DNAJC13: variants seen among roughly 807,000 people sequenced by gnomAD.
DNAJC13 encodes dnaJ homolog subfamily C member 13.
A neutral mutation model predicts 290.5 loss-of-function variants in DNAJC13; 75 were observed. The ratio of observed to expected loss-of-function variants is 0.26; its 90% CI spans 0.21 to 0.31. DNAJC13 has a LOEUF of 0.31. DNAJC13 is among the 10% of genes least tolerant of loss of function. DNAJC13 has a pLI of 1.00. For missense variants in DNAJC13, 2,260 were observed against 2,674.5 expected (o/e 0.85, Z 3.42); for synonymous variants, 862 against 892.0 (o/e 0.97, Z 0.60).
chr3:132,461,281 A>T, intron 15 of DNAJC13, 76 bp downstream of exon 15: 1 of 1,501,726 alleles, frequency 6.7e-7, no homozygotes, highest in Non-Finnish European at 9.2e-7. Flanking sequence ...TTTCTAAGAT[A>T]ACATTTGCAT....
At position 132,466,047 on chromosome 3, in the gene DNAJC13, A is replaced by G. The variant is rs747167172; in HGVS notation, c.1945A>G (p.Thr649Ala). ...CTGGACAGCTGATAATGCAACTGCA[A>G]CAAACTTGTTGAAACGCATTTTGGT... ...GLWTADNATA[T>A]NLLKRILPPG... The change falls in exon 18 of 56, where the codon ACA (threonine) becomes GCA (alanine). Residue 649 changes from threonine (T) to alanine (A), a missense_variant. By Grantham distance (58) the Thr-to-Ala change is moderately conservative. Around this residue, in one of 3 missense-constraint regions of DNAJC13, gnomAD observed 762 missense variants for 964.1 expected, o/e 0.79. Transcript: ENST00000260818. 1 of 1,614,058 alleles carries G rather than the reference A, an allele frequency of 6.2e-7. No homozygotes were observed. The highest frequency in any genetic ancestry group is 8.5e-7 in the Non-Finnish European group (1 of 1,179,906).
intron 1 of DNAJC13, among the ~76,000 whole-genome samples, chr3:132,424,084 A>C (rs765845925): frequency 4.6e-5 from 7 of 152,336 alleles, no homozygotes; most frequent in Admixed American, 1.3e-4. Context: ...AATTAGGTCT[A>C]TAAAGTTACA....
chr3:132,488,159 AGAT>A lies in DNAJC13; in HGVS notation c.3268-136_3268-134del, dbSNP rs1478876460. 9.9e-6 allele frequency: 6 copies of A among 605,266 alleles called. No individual in the cohort carries two copies. The Admixed American group carries it at 2.0e-4, about 20-fold the overall frequency. 37.5% of individuals were successfully genotyped at this position (605,266 alleles called of 1,614,324 possible). Reference sequence around the variant, plus strand: ...TTTTCAAATCTGTTGTGGGTCTGGTAGATGAGCTTACTGACTCCCATGGGTTTT... The same window carrying A: ...TTTTCAAATCTGTTGTGGGTCTGGTAGAGCTTACTGACTCCCATGGGTTTT... On this transcript the variant is annotated intron_variant, in intron 29 of 55. Coordinates refer to ENST00000260818, the MANE Select transcript of DNAJC13 (RefSeq NM_015268.4).
At chr3:132,510,251 T>C (rs1374472575) in intron 43 of DNAJC13, among the ~76,000 whole-genome samples, 1 of 152,128 alleles carries the variant, frequency 6.6e-6, no homozygotes, top group African/African-American at 2.4e-5. Flanking sequence ...AAAATATAGG[T>C]TGAAAATAAA....
chr3:132,454,301 C>A (rs1933516030), intron 9 of DNAJC13, 144 bp downstream of exon 9: 5 of 621,068 alleles, frequency 8.1e-6, no homozygotes, highest in South Asian at 6.3e-5. Flanking sequence ...TTAAAATGAC[C>A]CTCCCATTTT....
intron 24 of DNAJC13, among the ~76,000 whole-genome samples, chr3:132,478,724 C>T (rs560487196): frequency 1.2e-4 from 18 of 152,224 alleles, no homozygotes; most frequent in African/African-American, 4.3e-4. Flanking sequence ...ACACTCCAGC[C>T]TGGATGACAG....
chr3:132,502,079 C>G (rs1935433471), intron 39 of DNAJC13, among the ~76,000 whole-genome samples: 1 of 152,034 alleles, frequency 6.6e-6, no homozygotes, highest in African/African-American at 2.4e-5. Flanking sequence ...GGTAGTAATT[C>G]TGGTATCTCG....
intron 20 of DNAJC13, among the ~76,000 whole-genome samples, chr3:132,471,071 C>T (rs1416168069): frequency 1.5e-5 from 2 of 130,354 alleles, no homozygotes; most frequent in African/African-American, 3.0e-5. Context: ...GGGGGGCTTA[C>T]CCCCCCACCT....
chr3:132,538,145 A>C, intron 55 of DNAJC13, 31 bp from the exon 56 acceptor site: 1 of 1,579,432 alleles, frequency 6.3e-7, no homozygotes, highest in Non-Finnish European at 8.7e-7. Context: ...ACTGCTTTCT[A>C]GAGGTGTGTG....
intron 31 of DNAJC13, among the ~76,000 whole-genome samples, chr3:132,490,341 T>G (rs910783926): frequency 5.3e-5 from 8 of 152,200 alleles, no homozygotes; most frequent in Non-Finnish European, 7.3e-5. Flanking sequence ...GTTTAAAATT[T>G]AGTATGATCA....
intron 23 of DNAJC13, 40 bp downstream of exon 23, chr3:132,477,932 G>C (rs1056488017): frequency 7.5e-6 from 12 of 1,601,638 alleles, no homozygotes; most frequent in Non-Finnish European, 1.0e-5. Flanking sequence ...TGTTTTCACT[G>C]TTGGTTTCAT....
In DNAJC13 at chr3:132,483,386, G is replaced by T; in HGVS notation, c.2991G>T (p.Leu997Phe). ...GPYGFHEMQE[L>F]WTKGMLNAKT... ...CTTCCATCCATTAGATGCAAGAATTGTGGACCAAAGGAATGTTAAATGCAA... is the reference window on the plus strand; with the variant it reads ...CTTCCATCCATTAGATGCAAGAATTTTGGACCAAAGGAATGTTAAATGCAA... Residue 997 changes from leucine to phenylalanine, a missense_variant, in exon 28 of 56, where the codon TTG (leucine) becomes TTT (phenylalanine). By Grantham distance (22) the Leu-to-Phe change is conservative. Coordinates refer to ENST00000260818, the MANE Select transcript of DNAJC13 (RefSeq NM_015268.4). 2 of 1,614,002 alleles carry T rather than the reference G, an allele frequency of 1.2e-6. No homozygotes were observed. The highest frequency in any genetic ancestry group is 1.7e-6 in the Non-Finnish European group (2 of 1,179,952).
intron 48 of DNAJC13, among the ~76,000 whole-genome samples, chr3:132,521,141 G>T (rs561580245): frequency 6.6e-5 from 10 of 152,136 alleles, no homozygotes; most frequent in Non-Finnish European, 1.5e-4. Context: ...ACTCATGCCT[G>T]TAATCCCAGC....
At chr3:132,454,024 T>C in intron 8 of DNAJC13, 42 bp from the exon 9 acceptor site, 1 of 1,437,528 alleles carries the variant, frequency 7.0e-7, no homozygotes, top group Non-Finnish European at 9.6e-7. Flanking sequence ...TATAAAACTA[T>C]AAACTTTTTT....
chr3:132,515,703 T>C (rs1408960187), intron 46 of DNAJC13, among the ~76,000 whole-genome samples: 1 of 152,184 alleles, frequency 6.6e-6, no homozygotes, highest in African/African-American at 2.4e-5. Context: ...ACAGGGAAAA[T>C]AGCTGGCATC....
rs1180651951 is a variant in DNAJC13 at position 132,533,333 on chromosome 3, C to CTTTTT, written c.6625+2252_6625+2256dup. Among the ~76,000 whole-genome samples the CTTTTT allele has an allele frequency of 6.5e-3, 753 of 115,664 alleles. 19 individuals carry two copies. Among genetic ancestry groups the CTTTTT allele is most frequent in the Admixed American group, 0.03 (309 of 10,424 alleles). The allele number at this position is 115,664 out of a possible 152,430, so 75.9% of individuals were successfully genotyped here. On this transcript the variant is annotated intron_variant, in intron 55 of 55. Transcript: ENST00000260818. ...AGGCGTGAGCCAGCATGCCCGCCCT[C>CTTTTT]TTTTTTTTTTTTTTTTTTTTGAGAC...
chr3:132,456,209 CT>C (rs958876850), intron 9 of DNAJC13, 25 bp from the exon 10 acceptor site: 1 of 1,604,456 alleles, frequency 6.2e-7, no homozygotes, highest in African/African-American at 1.3e-5. Context: ...ATGCTAAAAC[CT>C]TTTTTTACTT....
intron 20 of DNAJC13, among the ~76,000 whole-genome samples, chr3:132,471,044 G>A (rs1365846006): frequency 1.2e-4 from 16 of 129,320 alleles, no homozygotes; most frequent in South Asian, 2.6e-4. Flanking sequence ...CCTCCCGGAC[G>A]GGGCGGCTGG....
chr3:132,522,682 C>A, intron 48 of DNAJC13, 146 bp from the exon 49 acceptor site: 1 of 623,006 alleles, frequency 1.6e-6, no homozygotes, highest in Non-Finnish European at 2.6e-6. Context: ...TTATCTTTTT[C>A]ACTCCAGAAC....
Sources: allele counts gnomAD v4.1 joint callset (sites outside exome capture counted in the v4.1 genomes callset), GRCh38; gene constraint gnomAD v4.1.1; regional missense constraint gnomAD v4.1.1; transcripts MANE v1.5; gene names NCBI Gene and HGNC (gene_info 2026-07-23, HGNC 2026-07-21).